The following NOS1AP variants were observed in gnomAD, a reference collection of about 807,000 sequenced individuals.
NOS1AP encodes the protein nitric oxide synthase 1 adaptor protein.
NOS1AP carries 21 observed loss-of-function variants against 56.2 expected under a neutral mutation model. The observed-to-expected ratio is 0.37, with a 90% CI of 0.26 to 0.54. The LOEUF is 0.54. NOS1AP is among the 20% of genes least tolerant of loss of function. The probability of loss-of-function intolerance (pLI) is 0.84; values close to 1 mark genes in which losing one functional copy is unlikely to be tolerated. For synonymous variants in NOS1AP, 270 were observed against 274.6 expected, an observed-to-expected ratio of 0.98 and a Z score of 0.17; for missense variants, 522 against 657.8, an observed-to-expected ratio of 0.79 and a Z score of 2.26.
At chr1:162,181,424 A>G (rs1308974166) in intron 2 of NOS1AP, among the ~76,000 whole-genome samples, 1 of 152,254 alleles carries the variant, frequency 6.6e-6, no homozygotes, top group Non-Finnish European at 1.5e-5. Flanking sequence ...AGTCTAGCCT[A>G]AGAATTAATG....
intron 1 of NOS1AP, among the ~76,000 whole-genome samples, chr1:162,081,750 C>CTATATCTATATA (rs1558090531): frequency 9.2e-6 from 1 of 108,608 alleles, no homozygotes; most frequent in Non-Finnish European, 1.8e-5. Flanking sequence ...ATATCTATAT[C>CTATATCTATATA]TATAGATATA....
intron 2 of NOS1AP, among the ~76,000 whole-genome samples, chr1:162,191,903 C>G (rs1459133205): frequency 1.3e-5 from 2 of 152,036 alleles, no homozygotes. Flanking sequence ...AGATCCTGGC[C>G]TGTGGTTGGT....
chr1:162,160,314 GC>G (rs1311726498), intron 2 of NOS1AP, among the ~76,000 whole-genome samples: 1 of 152,082 alleles, frequency 6.6e-6, no homozygotes, highest in Non-Finnish European at 1.5e-5. Context: ...CCAGAAAATG[GC>G]CAAGCCCTCC....
chr1:162,079,055 C>A (rs1691833577), intron 1 of NOS1AP, among the ~76,000 whole-genome samples: 1 of 152,134 alleles, frequency 6.6e-6, no homozygotes, highest in Non-Finnish European at 1.5e-5. Context: ...CTGGGTCACC[C>A]AATGGTGAGA....
intron 2 of NOS1AP, among the ~76,000 whole-genome samples, chr1:162,165,810 T>G (rs1190302407): frequency 6.6e-6 from 1 of 152,206 alleles, no homozygotes; most frequent in Admixed American, 6.5e-5. Flanking sequence ...ATTATTTGAT[T>G]TTATGAAACT....
rs575255175 is a variant in NOS1AP at position 162,339,101 on chromosome 1, G to C, written c.454-4734G>C. Among the ~76,000 whole-genome samples the C allele has an allele frequency of 2.1e-4, 32 of 152,276 alleles. 2 individuals are homozygous for C. The South Asian group carries it at 4.2e-3, about 20-fold the overall frequency. ...ATAAGGTAAGTGTATACAGTTTTAA[G>C]CTCCCTTTCCAGCTGTATTTTCACA... is the stretch of plus-strand genomic sequence containing the variant. On this transcript the variant is annotated intron_variant, in intron 5 of 9. Transcript: ENST00000361897.
chr1:162,091,652 C>T (rs780696456), intron 1 of NOS1AP, among the ~76,000 whole-genome samples: 2 of 152,126 alleles, frequency 1.3e-5, no homozygotes, highest in Non-Finnish European at 2.9e-5. Flanking sequence ...GATTTGAGAA[C>T]ATAGGATAAG....
At chr1:162,151,230 A>G (rs910230232) in intron 1 of NOS1AP, among the ~76,000 whole-genome samples, 1 of 152,242 alleles carries the variant, frequency 6.6e-6, no homozygotes, top group Non-Finnish European at 1.5e-5. Flanking sequence ...TTCTTTCCCC[A>G]ATATATGTTC....
intron 1 of NOS1AP, among the ~76,000 whole-genome samples, chr1:162,100,705 GC>G (rs1203349936): frequency 1.3e-5 from 2 of 151,848 alleles, no homozygotes; most frequent in African/African-American, 4.8e-5. Flanking sequence ...TGAAGTCCTT[GC>G]CCATGCCTAT....
chr1:162,302,820 A>G (rs974041687), intron 4 of NOS1AP, among the ~76,000 whole-genome samples: 2 of 152,058 alleles, frequency 1.3e-5, no homozygotes, highest in East Asian at 1.9e-4. Context: ...TTTTTCCCCA[A>G]TCTCAATCCC....
chr1:162,321,731 A>AAAAAATATATATATAT (rs1480278757), intron 4 of NOS1AP, among the ~76,000 whole-genome samples: 3 of 128,494 alleles, frequency 2.3e-5, no homozygotes, highest in African/African-American at 8.7e-5. Context: ...AAAAAAAAAA[A>AAAAAATATATATATAT]ATATATATAT....
intron 2 of NOS1AP, among the ~76,000 whole-genome samples, chr1:162,211,753 G>A (rs1435858483): frequency 2.0e-5 from 3 of 152,018 alleles, no homozygotes; most frequent in Non-Finnish European, 4.4e-5. Context: ...CAGTCTGATT[G>A]TTTACACTTT....
intron 2 of NOS1AP, among the ~76,000 whole-genome samples, chr1:162,226,153 C>T (rs1490299489): frequency 2.6e-5 from 4 of 151,938 alleles, no homozygotes; most frequent in East Asian, 1.9e-4. Flanking sequence ...ATTAGCTGGG[C>T]GTGGTGGTGC....
chr1:162,250,259 A>G lies in NOS1AP; in HGVS notation c.178-37085A>G, dbSNP rs1007579996. On this transcript the variant is annotated intron_variant, in intron 2 of 9. Coordinates refer to ENST00000361897, the MANE Select transcript of NOS1AP (RefSeq NM_014697.3). ...ACATCCTCCTCCAAGGTGTTATCTGATCATTGAAGTTAGCCTTCCTAGGGA... is the reference window on the plus strand; with the variant it reads ...ACATCCTCCTCCAAGGTGTTATCTGGTCATTGAAGTTAGCCTTCCTAGGGA... 2.0e-5 allele frequency among the ~76,000 whole-genome samples: 3 copies of G among 152,156 alleles called. No individual in the cohort carries two copies. In the East Asian group the frequency reaches 5.8e-4, roughly 29 times the overall value.
intron 4 of NOS1AP, among the ~76,000 whole-genome samples, chr1:162,328,430 T>A (rs756301951): frequency 3.3e-5 from 5 of 152,156 alleles, no homozygotes; most frequent in Non-Finnish European, 2.9e-5. Context: ...ATGTTGGCCA[T>A]TTGGAAGAGG....
intron 6 of NOS1AP, among the ~76,000 whole-genome samples, chr1:162,353,222 A>G (rs1216930070): frequency 6.6e-6 from 1 of 152,156 alleles, no homozygotes. Flanking sequence ...GAAATTTTGA[A>G]GGATGAAAAT....
At chr1:162,257,163 A>AT (rs981495726) in intron 2 of NOS1AP, among the ~76,000 whole-genome samples, 34 of 152,318 alleles carry the variant, frequency 2.2e-4, no homozygotes, top group African/African-American at 7.2e-4. Flanking sequence ...TACTTACATC[A>AT]TGCCAAGTGC....
intron 2 of NOS1AP, among the ~76,000 whole-genome samples, chr1:162,284,564 T>A (rs533103166): frequency 6.7e-6 from 1 of 149,462 alleles, no homozygotes; most frequent in Admixed American, 6.7e-5. Flanking sequence ...TTGGGAGAAA[T>A]CATTTGGTCA....
At chr1:162,190,453 AT>A (rs1651587896) in intron 2 of NOS1AP, among the ~76,000 whole-genome samples, 1 of 152,204 alleles carries the variant, frequency 6.6e-6, no homozygotes, top group Admixed American at 6.5e-5. Flanking sequence ...TTCTGAACAC[AT>A]TTTTTTAAAC....
Sources: gnomAD v4.1 joint callset for allele counts (sites outside exome capture counted in the v4.1 genomes callset) on GRCh38, gnomAD v4.1.1 for gene constraint, MANE v1.5 for transcripts, NCBI Gene and HGNC (gene_info 2026-07-23, HGNC 2026-07-21) for gene names.